The following MUC4 variants were observed in gnomAD, a reference collection of about 807,000 sequenced individuals.
MUC4 encodes the protein mucin 4, cell surface associated, also known as mucin-4.
In MUC4, 202 loss-of-function variants were observed where a neutral mutation model predicts 257.9. That is an observed-to-expected ratio of 0.78 (90% CI 0.70 to 0.88). MUC4 has a LOEUF of 0.88. Ranked by LOEUF, MUC4 falls within the 40% of genes least tolerant of loss-of-function variation. The probability of loss-of-function intolerance (pLI) is 0.00; values close to 1 mark genes in which losing one functional copy is unlikely to be tolerated. For synonymous variants in MUC4, 2,351 were observed against 2,757.1 expected (o/e 0.85, Z 4.62); for missense variants, 5,976 against 6,513.7 (o/e 0.92, Z 2.84).
Position 195,788,722 on chromosome 3 carries a change from T to A in MUC4, c.2858A>T (p.Glu953Val). The A allele has an allele frequency of 6.2e-7, 1 of 1,613,330 alleles. No homozygotes were observed. The highest frequency in any genetic ancestry group is 1.1e-5 in the South Asian group (1 of 91,060). ...CCCTGAAGGTGACAGAGTGTGGGTC[T>A]CGGTTTGTGGAGATGTAAGCCCAGT... ...TSTGLTSPQT[E>V]THTLSPSGSG... The change falls in exon 2 of 25, where the codon GAG becomes GTG. Residue 953 changes from glutamate (E) to valine (V), a missense_variant. Around this residue, in one of 44 missense-constraint regions of MUC4, gnomAD observed 1,583 missense variants for 1,257.4 expected, o/e 1.26. Coordinates refer to ENST00000463781, the MANE Select transcript of MUC4 (RefSeq NM_018406.7).
At chr3:195,753,284 C>T (rs555137419) in intron 19 of MUC4, 54 bp from the exon 20 acceptor site, 10 of 1,569,792 alleles carry the variant, frequency 6.4e-6, no homozygotes, top group Middle Eastern at 1.7e-4. Context: ...AGAGGGACGG[C>T]CCAGCCCGTG....
At position 195,780,112 on chromosome 3, in the gene MUC4, G is replaced by T. The variant is rs541438739; in HGVS notation, c.11468C>A (p.Thr3823Asn). The change falls in exon 2 of 25, where the codon ACC becomes AAC. Residue 3823 changes from threonine to asparagine, a missense_variant. Transcript: ENST00000463781. ...SLSSVSTGDT[T>N]PLPVTDASSA... ...GGAAGCGTCGGTGACAGGAAGAGGGGTGGTGTCACCTGTGGATACTGAGGA... is the reference window on the plus strand; with the variant it reads ...GGAAGCGTCGGTGACAGGAAGAGGGTTGGTGTCACCTGTGGATACTGAGGA... 1 of 675,350 alleles carries T rather than the reference G, an allele frequency of 1.5e-6. No homozygotes were observed. The allele number at this position is 675,350 out of a possible 1,614,324, so 41.8% of individuals were successfully genotyped here.
intron 1 of MUC4, among the ~76,000 whole-genome samples, chr3:195,797,123 G>A (rs1456378079): frequency 6.6e-6 from 1 of 151,926 alleles, no homozygotes; most frequent in Non-Finnish European, 1.5e-5. Flanking sequence ...ACAGGTGTGT[G>A]CTGGGCTTGG....
chr3:195,777,270 C>CTTCCACACCCATAGCTTCCACAGT (rs1725045987), intron 3 of MUC4, among the ~76,000 whole-genome samples: 1 of 594 alleles, frequency 1.7e-3, no homozygotes, highest in Admixed American at 0.011. Flanking sequence ...CCTTCCACAC[C>CTTCCACACCCATAGCTTCCACAGT]CATACCTTCC....
At chr3:195,761,968 T>G in intron 14 of MUC4, 119 bp downstream of exon 14, 2 of 1,223,754 alleles carry the variant, frequency 1.6e-6, no homozygotes, top group East Asian at 2.6e-5. Context: ...GCCCCAAGGG[T>G]TCTGCTCCAA....
At chr3:195,763,766 C>A (rs765360304) in intron 11 of MUC4, 125 bp from the exon 12 acceptor site, 2 of 1,085,370 alleles carry the variant, frequency 1.8e-6, no homozygotes, top group Non-Finnish European at 2.6e-6. Context: ...CTGCAGTCGA[C>A]TGGGGCACTT....
At position 195,747,277 on chromosome 3, in the gene MUC4, G is replaced by T; in HGVS notation, c.16138C>A (p.Leu5380Ile). ...FGIFFGALGG[L>I]LLLGVGTFVV... ...AACGTCCCGACCCCCAGCAGCAAGA[G>T]GCCGCCCAGGGCCCCAAAGAAGATG... Residue 5380 changes from leucine to isoleucine, a missense_variant, in exon 25 of 25, where the codon CTC becomes ATC. By Grantham distance (5) the Leu-to-Ile change is conservative (BLOSUM62 2). Transcript: ENST00000463781. 1 of 1,614,236 alleles carries T rather than the reference G, an allele frequency of 6.2e-7. No homozygotes were observed. Among genetic ancestry groups the T allele is most frequent in the South Asian group, 1.1e-5 (1 of 91,084 alleles).
At chr3:195,752,971 A>G in intron 20 of MUC4, 80 bp downstream of exon 20, 1 of 1,254,058 alleles carries the variant, frequency 8.0e-7, no homozygotes, top group South Asian at 1.5e-5. Flanking sequence ...CATCTTCCCC[A>G]AAGGTGGGCG....
In MUC4 at chr3:195,754,269, C is replaced by G. The variant is rs763553167; in HGVS notation, c.15272G>C (p.Gly5091Ala). The change falls in exon 19 of 25, where the codon GGG (glycine) becomes GCG (alanine). Residue 5091 changes from glycine (G) to alanine (A), a missense_variant. By Grantham distance (60) the Gly-to-Ala change is moderately conservative (BLOSUM62 0). Coordinates refer to ENST00000463781, the MANE Select transcript of MUC4 (RefSeq NM_018406.7). ...PCFPSVHCVP[G>A]KGCEACPPNL... ...TGGAGGGCAGGCCTCGCAGCCCTTCCCAGGAACGCAGTGGACACTCGGGAA... is the reference window on the plus strand; with the variant it reads ...TGGAGGGCAGGCCTCGCAGCCCTTCGCAGGAACGCAGTGGACACTCGGGAA... The G allele has an allele frequency of 1.9e-6, 3 of 1,614,040 alleles. No individual in the cohort carries two copies. The South Asian group carries it at 3.3e-5, about 18-fold the overall frequency.
chr3:195,771,652 C>T lies in MUC4; in HGVS notation c.13242G>A (p.Gln4414=). 1 of 1,612,630 alleles carries T rather than the reference C, an allele frequency of 6.2e-7. No individual in the cohort carries two copies. Among genetic ancestry groups the T allele is most frequent in the Non-Finnish European group, 8.5e-7 (1 of 1,178,900 alleles). ...GACTGCCAGGCTTTGAAAGGCTCAC[C>T]TGATAAAATGTGGTCCCCCGACCAG... ...FSTGRGTTFY[Q]EYETFYGEHS... Residue 4414 remains glutamine (Q), a splice_region_variant and synonymous_variant, in exon 5 of 25, where the codon CAG becomes CAA. Transcript: ENST00000463781.
At position 195,782,654 on chromosome 3, in the gene MUC4, GGGT is replaced by G; in HGVS notation, c.8923_8925del (p.Thr2975del). ...GAGGAAGTGTCGGTGTCAGGAAGAG[GGGT>G]GGCGTGACCTGTGGATGCTGAGGAA... is the stretch of plus-strand genomic sequence containing the variant. On this transcript the variant is annotated inframe_deletion, in exon 2 of 25. Coordinates refer to ENST00000463781, the MANE Select transcript of MUC4 (RefSeq NM_018406.7). 7.1e-7 allele frequency: 1 copy of G among 1,400,698 alleles called. No homozygotes were observed. The highest frequency in any genetic ancestry group is 9.6e-7 in the Non-Finnish European group (1 of 1,040,582). The allele number at this position is 1,400,698 out of a possible 1,614,324, so 86.8% of individuals were successfully genotyped here. A position where few individuals can be genotyped will look rare whatever the true frequency, so the allele number is the denominator to read the frequency against.
intron 3 of MUC4, 122 bp downstream of exon 3, chr3:195,778,181 G>A (rs1725427803): frequency 7.7e-7 from 1 of 1,300,374 alleles, no homozygotes. Flanking sequence ...CCGATGCTGT[G>A]TCCCTGTCCT....
chr3:195,767,708 C>T (rs1721426638), intron 7 of MUC4, among the ~76,000 whole-genome samples: 5 of 824 alleles, frequency 6.1e-3, no homozygotes, highest in Non-Finnish European at 0.011. Flanking sequence ...AAAAATACCA[C>T]CATCGGCCAC....
chr3:195,766,783 C>T (rs758612424), intron 7 of MUC4, 32 bp from the exon 8 acceptor site: 11 of 1,598,266 alleles, frequency 6.9e-6, no homozygotes, highest in Non-Finnish European at 9.4e-6. Flanking sequence ...CAGGCCTCTG[C>T]CGTGCACAGG....
At position 195,788,972 on chromosome 3, in the gene MUC4, C is replaced by G. The variant is rs200231524; in HGVS notation, c.2608G>C (p.Gly870Arg). The G allele has an allele frequency of 5.5e-5, 89 of 1,613,566 alleles. No homozygotes were observed. The African/African-American group carries it at 9.1e-4, about 16-fold the overall frequency. ...STGMASSIVP[G>R]TFHPTLSEAS... ...TCAGAGAGGGTGGGATGAAAGGTGCCGGGGACGATCGAAGACGCCATTCCT... is the reference window on the plus strand; with the variant it reads ...TCAGAGAGGGTGGGATGAAAGGTGCGGGGGACGATCGAAGACGCCATTCCT... The change falls in exon 2 of 25, where the codon GGC becomes CGC. Residue 870 changes from glycine (G) to arginine (R), a missense_variant. Coordinates refer to ENST00000463781, the MANE Select transcript of MUC4 (RefSeq NM_018406.7).
rs202168220 is a variant in MUC4 at position 195,750,940 on chromosome 3, C to T, written c.15820G>A (p.Asp5274Asn). Residue 5274 changes from aspartate (D) to asparagine (N), a missense_variant, in exon 23 of 25, where the codon GAC becomes AAC. By Grantham distance (23) the Asp-to-Asn change is conservative (BLOSUM62 1). Coordinates refer to ENST00000463781, the MANE Select transcript of MUC4 (RefSeq NM_018406.7). ...VPRRSEEPRN[D>N]VVFQPISGED... ...CCGGAGATGGGCTGGAAGACCACGTCGTTCCTGGGCTCCTCACTCCTCCGT... is the reference window on the plus strand; with the variant it reads ...CCGGAGATGGGCTGGAAGACCACGTTGTTCCTGGGCTCCTCACTCCTCCGT... 12 of 1,614,042 alleles carry T rather than the reference C, an allele frequency of 7.4e-6. No homozygotes were observed. The highest frequency in any genetic ancestry group is 1.7e-5 in the Admixed American group (1 of 60,014).
In MUC4 at chr3:195,766,583, C is replaced by G. The variant is rs992489082; in HGVS notation, c.13618+80G>C. 6.1e-5 allele frequency: 80 copies of G among 1,304,982 alleles called. 1 individual carries two copies. The highest frequency in any genetic ancestry group is 8.1e-5 in the Non-Finnish European group (73 of 903,442). The allele number at this position is 1,304,982 out of a possible 1,614,324, so 80.8% of individuals were successfully genotyped here. On this transcript the variant is annotated intron_variant, in intron 8 of 24. Transcript: ENST00000463781. ...GGCCGTGATGTTAGGGAGGTGCCCT[C>G]TAGGACTGCGATGGTGTATGGGCTG... is the stretch of plus-strand genomic sequence containing the variant.
At chr3:195,775,041 C>T (rs1724037311) in intron 3 of MUC4, among the ~76,000 whole-genome samples, 1 of 152,100 alleles carries the variant, frequency 6.6e-6, no homozygotes, top group South Asian at 2.1e-4. Flanking sequence ...TAACCTAGGA[C>T]TCCCTAGAGG....
intron 1 of MUC4, among the ~76,000 whole-genome samples, chr3:195,796,973 C>T (rs1053448584): frequency 4.6e-5 from 7 of 151,650 alleles, no homozygotes; most frequent in East Asian, 1.9e-4. Context: ...CCGGGCGCGG[C>T]GGCTCACGCC....
Sources: allele counts gnomAD v4.1 joint callset (sites outside exome capture counted in the v4.1 genomes callset), GRCh38; gene constraint gnomAD v4.1.1; regional missense constraint gnomAD v4.1.1; transcripts MANE v1.5; gene names NCBI Gene and HGNC (gene_info 2026-07-23, HGNC 2026-07-21).